CSMD2: variants seen among roughly 807,000 people sequenced by gnomAD.
The protein encoded by CSMD2 is CUB and sushi domain-containing protein 2.
In CSMD2, 130 loss-of-function variants were observed where a neutral mutation model predicts 398.5. The observed-to-expected ratio is 0.33, with a 90% confidence interval of 0.28 to 0.38. The LOEUF (loss-of-function observed/expected upper bound fraction) is 0.38, where lower values mean the gene tolerates loss of function less well. CSMD2 is among the 10% of genes least tolerant of loss of function. The pLI is 1.00. For synonymous variants in CSMD2, 1,828 were observed against 1,908.5 expected (o/e 0.96, Z 1.10); for missense variants, 3,829 against 4,764.9 (o/e 0.80, Z 5.78).
intron 13 of CSMD2, among the ~76,000 whole-genome samples, chr1:33,763,897 C>T (rs563374352): frequency 1.2e-4 from 18 of 152,248 alleles, no homozygotes; most frequent in African/African-American, 3.9e-4. Context: ...TCCTGCTAAC[C>T]CTTCTTCAAT....
chr1:33,602,696 G>A, intron 42 of CSMD2, 150 bp from the exon 43 acceptor site: 1 of 637,290 alleles, frequency 1.6e-6, no homozygotes, highest in East Asian at 3.0e-5. Context: ...AGCTGAGGAT[G>A]GCTGCACCTG....
At chr1:33,671,647 C>T (rs1183140083) in intron 25 of CSMD2, among the ~76,000 whole-genome samples, 1 of 152,138 alleles carries the variant, frequency 6.6e-6, no homozygotes, top group African/African-American at 2.4e-5. Flanking sequence ...GCCCTCACTC[C>T]CGTACCTCTT....
intron 2 of CSMD2, among the ~76,000 whole-genome samples, chr1:34,038,209 C>T (rs2148177008): frequency 6.6e-6 from 1 of 152,308 alleles, no homozygotes; most frequent in Non-Finnish European, 1.5e-5. Context: ...ATAAAACTTT[C>T]AGACTTTCCC....
intron 16 of CSMD2, among the ~76,000 whole-genome samples, 173 bp downstream of exon 16, chr1:33,726,374 A>T (rs1646530443): frequency 6.6e-6 from 1 of 152,172 alleles, no homozygotes; most frequent in Non-Finnish European, 1.5e-5. Context: ...AACCAAGCCC[A>T]AGGGCAGAGC....
chr1:33,688,281 A>G (rs868839917), intron 25 of CSMD2, among the ~76,000 whole-genome samples: 1 of 152,226 alleles, frequency 6.6e-6, no homozygotes, highest in Non-Finnish European at 1.5e-5. Context: ...AGATGGTGAC[A>G]TATGATTAAG....
chr1:33,776,490 G>T (rs750499694), intron 12 of CSMD2, among the ~76,000 whole-genome samples: 1 of 152,198 alleles, frequency 6.6e-6, no homozygotes, highest in Non-Finnish European at 1.5e-5. Flanking sequence ...GACTTGAAGA[G>T]AATGTCTGAA....
rs562893247 is a variant in CSMD2, at chr1:33,914,756, T to C, written c.920+3338A>G. Among the ~76,000 whole-genome samples the C allele has an allele frequency of 5.3e-5, 8 of 152,328 alleles. No individual in the cohort carries two copies. The South Asian group carries it at 1.7e-3, about 32-fold the overall frequency. ...GTTGGCCACTCCAGTGATGGGCACA[T>C]ACTGTTATTTATGTGTGCTCCCCGC... On this transcript the variant is annotated intron_variant, in intron 5 of 70. Coordinates refer to ENST00000373381, the MANE Select transcript of CSMD2 (RefSeq NM_001281956.2).
chr1:34,162,723 G>C (rs991001401), intron 1 of CSMD2, among the ~76,000 whole-genome samples: 6 of 152,088 alleles, frequency 3.9e-5, no homozygotes, highest in African/African-American at 1.4e-4. Flanking sequence ...ACCGGGCGTG[G>C]TGACGGTCGC....
intron 3 of CSMD2, among the ~76,000 whole-genome samples, chr1:33,995,911 G>A (rs1364358817): frequency 6.6e-6 from 1 of 152,172 alleles, no homozygotes; most frequent in African/African-American, 2.4e-5. Context: ...CTTTACTGAT[G>A]TGCACACCCT....
chr1:33,695,526 C>T (rs1645393817), intron 24 of CSMD2, among the ~76,000 whole-genome samples: 2 of 152,076 alleles, frequency 1.3e-5, no homozygotes, highest in Admixed American at 6.5e-5. Context: ...CCTTCCTCCC[C>T]GACATCTAAT....
chr1:33,533,892 G>A lies in CSMD2; in HGVS notation c.9895C>T (p.Leu3299Phe). The A allele has an allele frequency of 6.2e-7, 1 of 1,613,074 alleles. No individual in the cohort carries two copies. Among genetic ancestry groups the A allele is most frequent in the Non-Finnish European group, 8.5e-7 (1 of 1,179,044 alleles). The stretch of plus-strand genomic sequence containing the variant: ...AGGTAGCCTTTTTGACAACGGAAGA[G>A]GACTGTGCTTCCAACCTGCGGCAAG... ...SQGYQVGSTV[L>F]FRCQKGYLLQ... The change falls in exon 63 of 71, where the codon CTC becomes TTC. Residue 3299 changes from leucine to phenylalanine, a missense_variant. Around this residue, in one of 5 missense-constraint regions of CSMD2, gnomAD observed 917 missense variants for 1,199.5 expected, o/e 0.76. Coordinates refer to ENST00000373381, the MANE Select transcript of CSMD2 (RefSeq NM_001281956.2). This position sits in a 1 kb window ranked among gnomAD's most constrained non-coding sequence, Gnocchi z 4.2.
intron 25 of CSMD2, among the ~76,000 whole-genome samples, chr1:33,667,442 T>A (rs982320535): frequency 6.6e-6 from 1 of 152,200 alleles, no homozygotes; most frequent in Non-Finnish European, 1.5e-5. Context: ...GGTAGGTAAC[T>A]TGCACAAGGT....
At position 33,577,342 on chromosome 1, in the gene CSMD2, G is replaced by A; in HGVS notation, c.7530C>T (p.His2510=). ...CGCTCCACAGGTGGTAGCCCTGGGG[G>A]TGCCGGGTACAGATGGCCATGCTGT... ...VGHSMAICTR[H]PQGYHLWSEA... The change falls in exon 49 of 71, where the codon CAC becomes CAT. Residue 2510 remains histidine, a synonymous_variant. Transcript: ENST00000373381. The A allele has an allele frequency of 1.2e-6, 2 of 1,613,880 alleles. No individual in the cohort carries two copies. Among genetic ancestry groups the A allele is most frequent in the Non-Finnish European group, 8.5e-7 (1 of 1,179,892 alleles).
At chr1:33,941,723 CT>C (rs1287537724) in intron 3 of CSMD2, among the ~76,000 whole-genome samples, 1 of 152,168 alleles carries the variant, frequency 6.6e-6, no homozygotes, top group Non-Finnish European at 1.5e-5. Flanking sequence ...CATACTTACT[CT>C]GTGCTATCCT....
chr1:34,054,244 A>G (rs1653560654), intron 2 of CSMD2, among the ~76,000 whole-genome samples: 1 of 152,166 alleles, frequency 6.6e-6, no homozygotes, highest in African/African-American at 2.4e-5. Flanking sequence ...GTAATTTTTA[A>G]TATCTTCTCT....
chr1:33,618,719 T>C (rs570929560), intron 37 of CSMD2, among the ~76,000 whole-genome samples: 6 of 152,140 alleles, frequency 3.9e-5, no homozygotes, highest in East Asian at 3.9e-4. Context: ...CTGGGGCCCA[T>C]TGGTGAGGGT....
At chr1:33,629,272 A>T (rs949414907) in intron 32 of CSMD2, among the ~76,000 whole-genome samples, 2 of 152,320 alleles carry the variant, frequency 1.3e-5, no homozygotes, top group African/African-American at 4.8e-5. Flanking sequence ...ATATATCAAG[A>T]AAAACTTGAA....
At chr1:33,825,171 T>A (rs558242613) in intron 7 of CSMD2, among the ~76,000 whole-genome samples, 1 of 151,190 alleles carries the variant, frequency 6.6e-6, no homozygotes, top group African/African-American at 2.4e-5. Context: ...TGCCTCCCCA[T>A]TGACCCGAGG....
intron 26 of CSMD2, among the ~76,000 whole-genome samples, chr1:33,660,934 G>A (rs1411327891): frequency 1.3e-5 from 2 of 152,164 alleles, no homozygotes; most frequent in East Asian, 1.9e-4. Context: ...GCCTGGTATT[G>A]AATAAATAGA....
Sources: allele counts gnomAD v4.1 joint callset (sites outside exome capture counted in the v4.1 genomes callset), GRCh38; gene constraint gnomAD v4.1.1; regional missense constraint gnomAD v4.1.1; non-coding constraint Gnocchi (gnomAD v3.1); transcripts MANE v1.5; gene names NCBI Gene and HGNC (gene_info 2026-07-23, HGNC 2026-07-21).